Variants in NYAP2 observed in about 807,000 individuals in gnomAD.
The protein encoded by NYAP2 is neuronal tyrosine-phosphorylated phosphoinositide-3-kinase adapter 2.
A neutral mutation model predicts 50.4 loss-of-function variants in NYAP2; 23 were observed. The ratio of observed to expected loss-of-function variants is 0.46; its 90% CI spans 0.33 to 0.65. NYAP2 has a LOEUF of 0.65. NYAP2 is among the 30% of genes least tolerant of loss of function. The pLI is 0.02. For synonymous variants in NYAP2, 394 were observed against 365.2 expected (o/e 1.08, Z -0.90); for missense variants, 885 against 861.0 (o/e 1.03, Z -0.35).
At chr2:225,403,651 T>C (rs1054585674) in intron 2 of NYAP2, among the ~76,000 whole-genome samples, 1 of 151,952 alleles carries the variant, frequency 6.6e-6, no homozygotes, top group African/African-American at 2.4e-5. Context: ...CACAACTTTA[T>C]ATCTTGGAAA....
chr2:225,643,336 A>G (rs2106267305), intron 6 of NYAP2, among the ~76,000 whole-genome samples: 1 of 152,322 alleles, frequency 6.6e-6, no homozygotes, highest in Middle Eastern at 3.4e-3. Flanking sequence ...CCTTGTGCTT[A>G]AACATGGCAT....
the NYAP2 span, among the ~76,000 whole-genome samples, chr2:225,667,437 G>A: frequency 1.3e-5 from 2 of 152,150 alleles, no homozygotes; most frequent in African/African-American, 2.4e-5. Context: ...ATTAACAAAT[G>A]TTGAGGTGGG....
At chr2:225,451,331 T>G (rs2106147700) in intron 3 of NYAP2, among the ~76,000 whole-genome samples, 1 of 152,306 alleles carries the variant, frequency 6.6e-6, no homozygotes, top group Non-Finnish European at 1.5e-5. Flanking sequence ...TTAAATGTAC[T>G]TGATCTGTCA....
At chr2:225,661,534 A>G in the NYAP2 span, among the ~76,000 whole-genome samples, 1 of 152,212 alleles carries the variant, frequency 6.6e-6, no homozygotes, top group Non-Finnish European at 1.5e-5. Context: ...ACACTTTTGA[A>G]GTAGGTAATA....
intron 4 of NYAP2, among the ~76,000 whole-genome samples, chr2:225,573,567 CTTG>C (rs2106223508): frequency 6.6e-6 from 1 of 152,004 alleles, no homozygotes; most frequent in East Asian, 1.9e-4. Context: ...TTTATTATTT[CTTG>C]TTGTTCTGTG....
chr2:225,485,206 C>G (rs535519923), intron 3 of NYAP2, among the ~76,000 whole-genome samples: 1 of 152,226 alleles, frequency 6.6e-6, no homozygotes, highest in Non-Finnish European at 1.5e-5. Flanking sequence ...ATGAGAGTTC[C>G]CCTGCACAAG....
At chr2:225,539,516 T>C (rs1691420002) in intron 4 of NYAP2, among the ~76,000 whole-genome samples, 1 of 152,264 alleles carries the variant, frequency 6.6e-6, no homozygotes, top group Admixed American at 6.5e-5. Context: ...TATTGATTCC[T>C]GACATTTTAA....
intron 5 of NYAP2, among the ~76,000 whole-genome samples, chr2:225,601,839 G>T (rs1349519319): frequency 6.6e-6 from 1 of 152,040 alleles, no homozygotes; most frequent in African/African-American, 2.4e-5. Context: ...CATCCCATAG[G>T]TTGCCTTTTC....
chr2:225,437,660 A>T (rs1010961005), intron 3 of NYAP2, among the ~76,000 whole-genome samples: 17 of 152,220 alleles, frequency 1.1e-4, no homozygotes, highest in African/African-American at 3.9e-4. Context: ...GCAAGTGTAA[A>T]TGAGGTCTTC....
At chr2:225,656,819 G>A (rs1559243029), downstream of NYAP2, among the ~76,000 whole-genome samples, 1 of 151,958 alleles carries the variant, frequency 6.6e-6, no homozygotes, top group East Asian at 1.9e-4. Flanking sequence ...GCAAAGTGAG[G>A]CCCTCAGTCA....
chr2:225,493,287 C>T (rs1431089), intron 3 of NYAP2, among the ~76,000 whole-genome samples: 139,427 of 152,242 alleles, frequency 0.92, 64,002 homozygotes, highest in African/African-American at 0.98. Flanking sequence ...ACACCTGGCA[C>T]ATAGCAACTT....
intron 3 of NYAP2, among the ~76,000 whole-genome samples, chr2:225,511,152 G>T (rs1690806503): frequency 6.6e-6 from 1 of 152,062 alleles, no homozygotes; most frequent in African/African-American, 2.4e-5. Flanking sequence ...ATTACATCAA[G>T]TATATCATCT....
intron 5 of NYAP2, among the ~76,000 whole-genome samples, chr2:225,609,664 C>T (rs1692847007): frequency 6.6e-6 from 1 of 152,124 alleles, no homozygotes; most frequent in Non-Finnish European, 1.5e-5. Context: ...GAGTGAGAAC[C>T]TCCAAAGTGC....
chr2:225,499,239 A>G (rs991073745), intron 3 of NYAP2, among the ~76,000 whole-genome samples: 2 of 152,194 alleles, frequency 1.3e-5, no homozygotes, highest in African/African-American at 2.4e-5. Context: ...TAAAAGAGAT[A>G]AAATGGCTCT....
At chr2:225,444,296 A>G (rs1327528554) in intron 3 of NYAP2, among the ~76,000 whole-genome samples, 1 of 152,168 alleles carries the variant, frequency 6.6e-6, no homozygotes, top group Admixed American at 6.5e-5. Flanking sequence ...TACAAGTAAA[A>G]TTACGTGCAC....
chr2:225,437,307 G>T (rs2106138142), intron 3 of NYAP2, among the ~76,000 whole-genome samples: 1 of 152,202 alleles, frequency 6.6e-6, no homozygotes, highest in Admixed American at 6.5e-5. Context: ...AGTTGTGAAG[G>T]ATACTTTCTG....
intron 5 of NYAP2, among the ~76,000 whole-genome samples, chr2:225,624,053 A>G (rs1693168029): frequency 6.6e-6 from 1 of 152,228 alleles, no homozygotes; most frequent in Admixed American, 6.5e-5. Flanking sequence ...CTTTACTGCA[A>G]CAATTTTTAA....
At chr2:225,459,661 T>G (rs1392347248) in intron 3 of NYAP2, among the ~76,000 whole-genome samples, 2 of 152,082 alleles carry the variant, frequency 1.3e-5, no homozygotes, top group Non-Finnish European at 1.5e-5. Context: ...ATTTATTTTT[T>G]GAGATGGTGT....
the NYAP2 span, among the ~76,000 whole-genome samples, chr2:225,676,643 C>T: frequency 1.3e-5 from 2 of 152,034 alleles, no homozygotes; most frequent in Non-Finnish European, 2.9e-5. Context: ...CTTGTGAGAC[C>T]CATTCACTAT....
Sources: allele counts gnomAD v4.1 joint callset (sites outside exome capture counted in the v4.1 genomes callset), GRCh38; gene constraint gnomAD v4.1.1; transcripts MANE v1.5; gene names NCBI Gene and HGNC (gene_info 2026-07-23, HGNC 2026-07-21).